The following CTNNA3 variants were observed in gnomAD, a reference collection of about 807,000 sequenced individuals.
CTNNA3 encodes the protein catenin alpha 3, also known as catenin alpha-3.
A neutral mutation model predicts 95.7 loss-of-function variants in CTNNA3; 76 were observed. The ratio of observed to expected loss-of-function variants is 0.79; its 90% CI spans 0.66 to 0.96. The LOEUF (loss-of-function observed/expected upper bound fraction) is 0.96, where lower values mean the gene tolerates loss of function less well. CTNNA3 is among the 40% of genes least tolerant of loss of function. The probability of loss-of-function intolerance (pLI) is 0.00; values close to 1 mark genes in which losing one functional copy is unlikely to be tolerated. For missense variants in CTNNA3, 1,191 were observed against 1,089.8 expected (o/e 1.09, Z -1.31); for synonymous variants, 431 against 374.4 (o/e 1.15, Z -1.74).
intron 13 of CTNNA3, among the ~76,000 whole-genome samples, chr10:66,140,061 A>G (rs1181513053): frequency 1.3e-5 from 2 of 152,162 alleles, no homozygotes; most frequent in African/African-American, 2.4e-5. Context: ...GCAGCTATAA[A>G]ACTTTCAGAT....
chr10:67,525,214 T>C (rs1238270384), intron 4 of CTNNA3, among the ~76,000 whole-genome samples: 1 of 151,918 alleles, frequency 6.6e-6, no homozygotes, highest in Admixed American at 6.6e-5. Context: ...CTCAGTGAAT[T>C]AGACTAAACC....
chr10:66,414,974 G>A (rs2093134992), intron 11 of CTNNA3, among the ~76,000 whole-genome samples: 1 of 152,114 alleles, frequency 6.6e-6, no homozygotes, highest in Non-Finnish European at 1.5e-5. Flanking sequence ...CTGAGCAAGG[G>A]TGCCACCAAG....
chr10:67,393,247 T>C (rs2132778780), intron 5 of CTNNA3, among the ~76,000 whole-genome samples: 1 of 152,236 alleles, frequency 6.6e-6, no homozygotes, highest in East Asian at 1.9e-4. Flanking sequence ...GATCATATTA[T>C]TACTCATACC....
chr10:67,514,450 T>C (rs1363411330), intron 5 of CTNNA3, among the ~76,000 whole-genome samples: 1 of 152,232 alleles, frequency 6.6e-6, no homozygotes, highest in Non-Finnish European at 1.5e-5. Flanking sequence ...GATTACCTTC[T>C]TTTCATGCAC....
At chr10:65,987,484 C>T (rs2078452247) in intron 16 of CTNNA3, among the ~76,000 whole-genome samples, 1 of 152,014 alleles carries the variant, frequency 6.6e-6, no homozygotes, top group Non-Finnish European at 1.5e-5. Flanking sequence ...AAGATATCAT[C>T]TTACCCCAAT....
chr10:66,870,216 A>T (rs2394308), intron 7 of CTNNA3, among the ~76,000 whole-genome samples: 21,248 of 152,148 alleles, frequency 0.14, 1,951 homozygotes, highest in African/African-American at 0.26. Context: ...GAGATACAAT[A>T]TGCAAATTAG....
chr10:67,192,708 TAAA>T (rs1305057956), intron 6 of CTNNA3, among the ~76,000 whole-genome samples: 1 of 151,876 alleles, frequency 6.6e-6, no homozygotes, highest in African/African-American at 2.4e-5. Flanking sequence ...CCTCAAAAAT[TAAA>T]AATACAACTA....
chr10:66,399,465 C>T (rs1357712526), intron 11 of CTNNA3, among the ~76,000 whole-genome samples: 1 of 151,812 alleles, frequency 6.6e-6, no homozygotes, highest in African/African-American at 2.4e-5. Context: ...TAAGTAAATG[C>T]GTGCATATGG....
chr10:66,164,006 G>T (rs1204062374), intron 13 of CTNNA3, among the ~76,000 whole-genome samples: 1 of 152,096 alleles, frequency 6.6e-6, no homozygotes, highest in Non-Finnish European at 1.5e-5. Flanking sequence ...AAAGCAACAT[G>T]GGAGAAAGCA....
At chr10:66,693,005 A>C (rs148874496) in intron 9 of CTNNA3, among the ~76,000 whole-genome samples, 1 of 152,168 alleles carries the variant, frequency 6.6e-6, no homozygotes, top group Non-Finnish European at 1.5e-5. Flanking sequence ...CCACTGCAAA[A>C]GCATGCCAAA....
At chr10:67,531,309 A>G (rs1195114892) in intron 4 of CTNNA3, among the ~76,000 whole-genome samples, 1 of 152,182 alleles carries the variant, frequency 6.6e-6, no homozygotes, top group Non-Finnish European at 1.5e-5. Context: ...CCATGAACAC[A>G]GCCAGGAGGA....
At chr10:66,888,056 T>C (rs1040669478) in intron 7 of CTNNA3, among the ~76,000 whole-genome samples, 2 of 152,136 alleles carry the variant, frequency 1.3e-5, no homozygotes, top group African/African-American at 2.4e-5. Context: ...ATTTTGATCA[T>C]GGGAGTTCTT....
rs189517298 is a variant in CTNNA3 at position 67,468,964 on chromosome 10, G to A, written c.579+52878C>T. 2.8e-4 allele frequency among the ~76,000 whole-genome samples: 43 copies of A among 152,216 alleles called. No individual in the cohort carries two copies. In the East Asian group the frequency reaches 6.9e-3, roughly 25 times the overall value. On this transcript the variant is annotated intron_variant, in intron 5 of 17. Coordinates refer to ENST00000433211, the MANE Select transcript of CTNNA3 (RefSeq NM_013266.4). ...TTTGTTTTGATGAGAACTTGCATTC[G>A]TATAAGGAAGCTTAAGCTTAAGTTC...
In CTNNA3 at chr10:66,095,859, A is replaced by G. The variant is rs574857835; in HGVS notation, c.1977+7298T>C. Among the ~76,000 whole-genome samples the G allele has an allele frequency of 4.6e-5, 7 of 152,202 alleles. No homozygotes were observed. In the East Asian group the frequency reaches 1.2e-3, roughly 25 times the overall value. The stretch of plus-strand genomic sequence containing the variant: ...TATTTATAGACCTTATATAGATTCA[A>G]TGGCCCCAGAGATTTTCTCTAAGGC... On this transcript the variant is annotated intron_variant, in intron 14 of 17. Coordinates refer to ENST00000433211, the MANE Select transcript of CTNNA3 (RefSeq NM_013266.4).
chr10:66,229,513 T>G (rs1455661001), intron 13 of CTNNA3, among the ~76,000 whole-genome samples: 2 of 151,886 alleles, frequency 1.3e-5, no homozygotes, highest in Non-Finnish European at 2.9e-5. Flanking sequence ...GTCTCACAGG[T>G]TTTTTTTATT....
intron 4 of CTNNA3, among the ~76,000 whole-genome samples, chr10:67,531,832 G>A (rs552571328): frequency 6.6e-6 from 1 of 152,286 alleles, no homozygotes; most frequent in African/African-American, 2.4e-5. Flanking sequence ...GGAGGAACCA[G>A]TGGGAGGTGA....
intron 7 of CTNNA3, among the ~76,000 whole-genome samples, chr10:67,129,005 G>GC (rs1859861100): frequency 6.6e-6 from 1 of 151,932 alleles, no homozygotes. Context: ...CTGACCACAT[G>GC]AATTATAAAA....
At chr10:67,655,283 G>C (rs1839989270) in intron 1 of CTNNA3, among the ~76,000 whole-genome samples, 2 of 152,140 alleles carry the variant, frequency 1.3e-5, no homozygotes. Context: ...ATTCACAGTG[G>C]ATCTCATTTA....
intron 13 of CTNNA3, among the ~76,000 whole-genome samples, chr10:66,257,469 T>C (rs1459772490): frequency 6.6e-6 from 1 of 152,160 alleles, no homozygotes; most frequent in Non-Finnish European, 1.5e-5. Context: ...CAAAATTACA[T>C]GCTAATTTAC....
Sources: allele counts gnomAD v4.1 joint callset (sites outside exome capture counted in the v4.1 genomes callset), GRCh38; gene constraint gnomAD v4.1.1; transcripts MANE v1.5; gene names NCBI Gene and HGNC (gene_info 2026-07-23, HGNC 2026-07-21).